ST6GALNAC3: variants seen among roughly 807,000 people sequenced by gnomAD.
The protein encoded by ST6GALNAC3 is alpha-N-acetylgalactosaminide alpha-2,6-sialyltransferase 3.
In ST6GALNAC3, 25 loss-of-function variants were observed where a neutral mutation model predicts 32.7. That is an observed-to-expected ratio of 0.76 (90% CI 0.56 to 1.07). ST6GALNAC3 has a LOEUF of 1.07. Ranked by LOEUF, ST6GALNAC3 falls within the 50% of genes least tolerant of loss-of-function variation. The probability of loss-of-function intolerance (pLI) is 0.00; values close to 1 mark genes in which losing one functional copy is unlikely to be tolerated. For missense variants in ST6GALNAC3, 355 were observed against 382.4 expected (o/e 0.93, Z 0.60); for synonymous variants, 129 against 133.1 (o/e 0.97, Z 0.21).
intron 1 of ST6GALNAC3, among the ~76,000 whole-genome samples, chr1:76,311,154 G>A (rs1315681582): frequency 2.0e-5 from 3 of 151,744 alleles, no homozygotes; most frequent in Non-Finnish European, 4.4e-5. Flanking sequence ...CATTACCTCT[G>A]TCCTAGGCAA....
intron 3 of ST6GALNAC3, among the ~76,000 whole-genome samples, chr1:76,624,895 A>T (rs1648869591): frequency 2.0e-5 from 3 of 151,968 alleles, no homozygotes; most frequent in Non-Finnish European, 4.4e-5. Flanking sequence ...ATGAAATGTG[A>T]TCTGACGTAT....
intron 1 of ST6GALNAC3, among the ~76,000 whole-genome samples, chr1:76,229,563 C>T (rs538244470): frequency 6.6e-6 from 1 of 152,316 alleles, no homozygotes; most frequent in Admixed American, 6.5e-5. Context: ...AATAAATAGC[C>T]TTTGCTTGTT....
At position 76,297,155 on chromosome 1, in the gene ST6GALNAC3, G is replaced by A. The variant is rs527525938; in HGVS notation, c.19-16650G>A. 3.9e-5 allele frequency among the ~76,000 whole-genome samples: 6 copies of A among 152,104 alleles called. No homozygotes were observed. In the South Asian group the frequency reaches 1.0e-3, roughly 26 times the overall value. Reference sequence around the variant, plus strand: ...TCTCCATTTTGCAGTTGAGAAATCAGTAGATAGGAACTAATTTGTCCAAGG... The same window carrying A: ...TCTCCATTTTGCAGTTGAGAAATCAATAGATAGGAACTAATTTGTCCAAGG... On this transcript the variant is annotated intron_variant, in intron 1 of 4. Transcript: ENST00000328299.
At chr1:76,324,164 A>AT (rs1557787321) in intron 2 of ST6GALNAC3, among the ~76,000 whole-genome samples, 1 of 152,166 alleles carries the variant, frequency 6.6e-6, no homozygotes, top group Non-Finnish European at 1.5e-5. Flanking sequence ...TTGAAGAAGT[A>AT]TTTTTTAAGC....
chr1:76,384,763 C>T (rs1271180969), intron 2 of ST6GALNAC3, among the ~76,000 whole-genome samples: 4 of 151,708 alleles, frequency 2.6e-5, no homozygotes, highest in Non-Finnish European at 4.4e-5. Flanking sequence ...TGCTGTGACC[C>T]AGTAATTCCA....
chr1:76,260,610 T>C (rs188223132), intron 1 of ST6GALNAC3, among the ~76,000 whole-genome samples: 77 of 152,322 alleles, frequency 5.1e-4, no homozygotes, highest in South Asian at 1.2e-3. Flanking sequence ...AGATGAGATA[T>C]GAACCTAGCC....
At chr1:76,267,171 C>G (rs993928624) in intron 1 of ST6GALNAC3, among the ~76,000 whole-genome samples, 1 of 152,212 alleles carries the variant, frequency 6.6e-6, no homozygotes, top group African/African-American at 2.4e-5. Context: ...GACTCAGGTC[C>G]CGGAACTTTT....
chr1:76,519,275 A>T (rs1662366552), intron 3 of ST6GALNAC3, among the ~76,000 whole-genome samples: 1 of 152,084 alleles, frequency 6.6e-6, no homozygotes, highest in Admixed American at 6.6e-5. Context: ...CAGCCTTCAC[A>T]CATTAAAGAT....
intron 2 of ST6GALNAC3, among the ~76,000 whole-genome samples, chr1:76,379,204 T>C (rs1651509117): frequency 6.6e-6 from 1 of 152,168 alleles, no homozygotes; most frequent in Non-Finnish European, 1.5e-5. Flanking sequence ...CCAAGAATGT[T>C]TTATATTTCC....
intron 3 of ST6GALNAC3, among the ~76,000 whole-genome samples, chr1:76,480,244 A>T (rs79055537): frequency 2.0e-5 from 3 of 152,230 alleles, no homozygotes; most frequent in African/African-American, 7.2e-5. Context: ...ATCAATAATC[A>T]TTTGAAATTC....
chr1:76,518,636 C>T (rs907336367), intron 3 of ST6GALNAC3, among the ~76,000 whole-genome samples: 8 of 152,176 alleles, frequency 5.3e-5, no homozygotes, highest in African/African-American at 1.9e-4. Flanking sequence ...ATTAGATTCT[C>T]AGTAATTTTT....
intron 1 of ST6GALNAC3, among the ~76,000 whole-genome samples, chr1:76,200,986 T>C (rs1654483298): frequency 6.6e-6 from 1 of 151,998 alleles, no homozygotes; most frequent in South Asian, 2.1e-4. Flanking sequence ...TAATAATAAA[T>C]GTCCTCACTA....
At chr1:76,405,057 T>A (rs983446296) in intron 2 of ST6GALNAC3, among the ~76,000 whole-genome samples, 2 of 152,120 alleles carry the variant, frequency 1.3e-5, no homozygotes, top group Non-Finnish European at 2.9e-5. Flanking sequence ...AAAGATAGAT[T>A]AGAGCTATCC....
chr1:76,341,845 A>G (rs1648065542), intron 2 of ST6GALNAC3, among the ~76,000 whole-genome samples: 2 of 151,894 alleles, frequency 1.3e-5, no homozygotes, highest in Admixed American at 1.3e-4. Flanking sequence ...TTCTCCTAAT[A>G]GTATCCCTCC....
intron 3 of ST6GALNAC3, among the ~76,000 whole-genome samples, chr1:76,421,200 A>G (rs560359503): frequency 3.9e-5 from 6 of 152,182 alleles, no homozygotes; most frequent in African/African-American, 1.2e-4. Flanking sequence ...TTTTTCAACA[A>G]GAAGGGTCAC....
chr1:76,141,373 A>G (rs577849780), intron 1 of ST6GALNAC3, among the ~76,000 whole-genome samples: 1 of 152,318 alleles, frequency 6.6e-6, no homozygotes. Context: ...CAGCACTGGC[A>G]TGCTAGACTT....
intron 1 of ST6GALNAC3, among the ~76,000 whole-genome samples, chr1:76,276,238 G>A (rs909372671): frequency 3.3e-5 from 5 of 151,380 alleles, no homozygotes; most frequent in African/African-American, 4.9e-5. Flanking sequence ...AATATAATGC[G>A]ATTTCATAGC....
At chr1:76,388,814 A>C (rs1025676873) in intron 2 of ST6GALNAC3, among the ~76,000 whole-genome samples, 2 of 152,110 alleles carry the variant, frequency 1.3e-5, no homozygotes, top group Non-Finnish European at 2.9e-5. Flanking sequence ...AGGTCCAAGT[A>C]TCTTATTTAG....
At chr1:76,477,183 T>G (rs1659407086) in intron 3 of ST6GALNAC3, among the ~76,000 whole-genome samples, 1 of 152,196 alleles carries the variant, frequency 6.6e-6, no homozygotes, top group East Asian at 1.9e-4. Context: ...ATATTTATCC[T>G]TGGATAACTG....
Sources: allele counts gnomAD v4.1 joint callset (sites outside exome capture counted in the v4.1 genomes callset), GRCh38; gene constraint gnomAD v4.1.1; transcripts MANE v1.5; gene names NCBI Gene and HGNC (gene_info 2026-07-23, HGNC 2026-07-21).